Variants in SPATA17 observed in about 807,000 individuals in gnomAD.
The protein encoded by SPATA17 is spermatogenesis-associated protein 17.
SPATA17 carries 53 observed loss-of-function variants against 62.2 expected under a neutral mutation model. That is an observed-to-expected ratio of 0.85 (90% CI 0.68 to 1.07). The LOEUF is 1.07. SPATA17 is among the 50% of genes least tolerant of loss of function. The pLI is 0.00. For missense variants in SPATA17, 466 were observed against 425.5 expected, an observed-to-expected ratio of 1.10 and a Z score of -0.84; for synonymous variants, 146 against 146.8, an observed-to-expected ratio of 0.99 and a Z score of 0.04.
intron 5 of SPATA17, among the ~76,000 whole-genome samples, chr1:217,738,831 A>G (rs1231506644): frequency 6.6e-6 from 1 of 152,240 alleles, no homozygotes; most frequent in Non-Finnish European, 1.5e-5. Context: ...ATGTGCCTAT[A>G]ATCCCAGCTA....
At chr1:217,845,974 T>C (rs1250649833) in intron 9 of SPATA17, among the ~76,000 whole-genome samples, 1 of 152,152 alleles carries the variant, frequency 6.6e-6, no homozygotes, top group Non-Finnish European at 1.5e-5. Context: ...ATAAGATTTC[T>C]TGGAAGAGGA....
At chr1:217,857,089 GA>G (rs963077796) in intron 9 of SPATA17, among the ~76,000 whole-genome samples, 4 of 152,158 alleles carry the variant, frequency 2.6e-5, no homozygotes, top group African/African-American at 9.7e-5. Flanking sequence ...TAAGCTGGCT[GA>G]AAAATATGTG....
chr1:217,811,001 A>T (rs1230256435), intron 9 of SPATA17, among the ~76,000 whole-genome samples: 1 of 152,106 alleles, frequency 6.6e-6, no homozygotes, highest in African/African-American at 2.4e-5. Context: ...CACCCTAAAA[A>T]TTAAAAGAAA....
intron 5 of SPATA17, among the ~76,000 whole-genome samples, chr1:217,721,657 A>G (rs770057956): frequency 7.2e-5 from 11 of 152,056 alleles, no homozygotes; most frequent in Non-Finnish European, 1.3e-4. Context: ...CTTGGCTCTT[A>G]CTTTTGATCT....
At chr1:217,821,267 A>G (rs1327428604) in intron 9 of SPATA17, among the ~76,000 whole-genome samples, 2 of 152,082 alleles carry the variant, frequency 1.3e-5, no homozygotes, top group Non-Finnish European at 2.9e-5. Context: ...GGGAACACAG[A>G]ATAAGAAAAG....
At chr1:217,702,628 G>T (rs1346297559) in intron 5 of SPATA17, among the ~76,000 whole-genome samples, 3 of 152,124 alleles carry the variant, frequency 2.0e-5, no homozygotes, top group African/African-American at 7.2e-5. Context: ...TGCTTATTTA[G>T]ATTTGTCAAC....
At chr1:217,793,989 G>A (rs563666076) in intron 8 of SPATA17, among the ~76,000 whole-genome samples, 3 of 151,852 alleles carry the variant, frequency 2.0e-5, no homozygotes, top group Admixed American at 1.3e-4. Flanking sequence ...GGTGGCGGGC[G>A]CCTGTAGTCC....
At chr1:217,667,764 TATG>T (rs1277512934) in intron 3 of SPATA17, among the ~76,000 whole-genome samples, 4 of 152,234 alleles carry the variant, frequency 2.6e-5, no homozygotes, top group Admixed American at 2.6e-4. Context: ...TCTGCTTCAA[TATG>T]ATGTCAAGAA....
chr1:217,759,512 C>T (rs1339846833), intron 6 of SPATA17, among the ~76,000 whole-genome samples: 1 of 151,786 alleles, frequency 6.6e-6, no homozygotes, highest in Non-Finnish European at 1.5e-5. Flanking sequence ...CAATGGGGAA[C>T]TGAGTTAAGG....
In SPATA17 at chr1:217,696,152, G is replaced by C. The variant is rs182263646; in HGVS notation, c.395+12791G>C. On this transcript the variant is annotated intron_variant, in intron 5 of 10. Transcript: ENST00000366933. ...GTGCTAGCAATCAGCGAGATTCCGT[G>C]GGCGTAGGACCCTCCGAGCCAGGTG... Among the ~76,000 whole-genome samples, 1,455 of 152,334 alleles carry C rather than the reference G, an allele frequency of 9.6e-3. 22 individuals are homozygous for C. Among genetic ancestry groups the C allele is most frequent in the African/African-American group, 0.033 (1,381 of 41,586 alleles).
At chr1:217,818,126 C>T (rs1039955420) in intron 9 of SPATA17, among the ~76,000 whole-genome samples, 1 of 151,762 alleles carries the variant, frequency 6.6e-6, no homozygotes, top group African/African-American at 2.4e-5. Flanking sequence ...TTATTCATTG[C>T]CAGTATTTTA....
chr1:217,792,472 T>A (rs924729101), intron 8 of SPATA17, among the ~76,000 whole-genome samples: 2 of 152,204 alleles, frequency 1.3e-5, no homozygotes, highest in Admixed American at 6.5e-5. Flanking sequence ...TTCTACTGAC[T>A]AGCTTAACTG....
intron 5 of SPATA17, among the ~76,000 whole-genome samples, chr1:217,737,102 G>A (rs1161379513): frequency 6.6e-6 from 1 of 152,190 alleles, no homozygotes; most frequent in Non-Finnish European, 1.5e-5. Context: ...TGTGGTTAAA[G>A]GCAAAGATTT....
chr1:217,674,477 T>G (rs1288774961), intron 4 of SPATA17, among the ~76,000 whole-genome samples: 1 of 152,174 alleles, frequency 6.6e-6, no homozygotes, highest in Non-Finnish European at 1.5e-5. Flanking sequence ...TGCGACTGCA[T>G]GCTCAGTCCC....
chr1:217,636,948 A>G (rs529003325), intron 1 of SPATA17, among the ~76,000 whole-genome samples: 37 of 152,290 alleles, frequency 2.4e-4, no homozygotes, highest in South Asian at 8.3e-4. Context: ...GATATATGTA[A>G]AATCTTTTTT....
At chr1:217,822,612 T>C (rs973156931) in intron 9 of SPATA17, among the ~76,000 whole-genome samples, 1 of 148,410 alleles carries the variant, frequency 6.7e-6, no homozygotes, top group Non-Finnish European at 1.5e-5. Context: ...CTATATATGA[T>C]ATATAATGAT....
At chr1:217,768,239 G>A (rs766175550) in intron 6 of SPATA17, among the ~76,000 whole-genome samples, 13 of 151,794 alleles carry the variant, frequency 8.6e-5, no homozygotes, top group Non-Finnish European at 1.5e-4. Context: ...GCAAGGCTCC[G>A]TCTCAAAAAA....
intron 5 of SPATA17, among the ~76,000 whole-genome samples, chr1:217,709,685 G>T (rs539670662): frequency 6.6e-6 from 1 of 152,318 alleles, no homozygotes; most frequent in African/African-American, 2.4e-5. Flanking sequence ...GAATACCAGA[G>T]TGGGGATCAT....
At chr1:217,779,586 G>T (rs1558047584) in intron 7 of SPATA17, among the ~76,000 whole-genome samples, 1 of 149,546 alleles carries the variant, frequency 6.7e-6, no homozygotes, top group Non-Finnish European at 1.5e-5. Flanking sequence ...TACTTCCTTT[G>T]CCTCTTTTCT....
Sources: allele counts gnomAD v4.1 joint callset (sites outside exome capture counted in the v4.1 genomes callset), GRCh38; gene constraint gnomAD v4.1.1; transcripts MANE v1.5; gene names NCBI Gene and HGNC (gene_info 2026-07-23, HGNC 2026-07-21).